The following COLEC12 variants were observed in gnomAD, a reference collection of about 807,000 sequenced individuals.
The protein encoded by COLEC12 is collectin-12.
A neutral mutation model predicts 71.1 loss-of-function variants in COLEC12; 33 were observed. That is an observed-to-expected ratio of 0.46 (90% CI 0.35 to 0.62). The LOEUF is 0.62. Among genes scored for constraint, COLEC12 ranks in the 20% least tolerant of loss-of-function variants. The probability of loss-of-function intolerance (pLI) is 0.00; values close to 1 mark genes in which losing one functional copy is unlikely to be tolerated. For missense variants in COLEC12, 765 were observed against 916.1 expected, an observed-to-expected ratio of 0.84 and a Z score of 2.13; for synonymous variants, 350 against 353.0, an observed-to-expected ratio of 0.99 and a Z score of 0.10.
chr18:442,002 T>TACACACACAGACACAC (rs1555620304), intron 2 of COLEC12, among the ~76,000 whole-genome samples: 37 of 120,808 alleles, frequency 3.1e-4, no homozygotes, highest in African/African-American at 1.4e-3. Flanking sequence ...TCTCTCTCTC[T>TACACACACAGACACAC]ACACACACAC....
intron 8 of COLEC12, among the ~76,000 whole-genome samples, chr18:330,286 G>A (rs897524127): frequency 1.3e-5 from 2 of 152,086 alleles, no homozygotes; most frequent in Admixed American, 6.5e-5. Context: ...GCTGATACAG[G>A]GCTAGGCCTC....
chr18:433,785 G>A (rs995785753), intron 2 of COLEC12, among the ~76,000 whole-genome samples: 3 of 151,986 alleles, frequency 2.0e-5, no homozygotes, highest in Admixed American at 1.3e-4. Context: ...GGAACATGGC[G>A]AAACCCTGTC....
intron 2 of COLEC12, among the ~76,000 whole-genome samples, chr18:434,925 G>A (rs4798197): frequency 0.87 from 132,230 of 152,098 alleles, 58,279 homozygotes; most frequent in East Asian, 1. Flanking sequence ...GCCATTCCCA[G>A]AAGTGCCCCA....
At chr18:354,682 G>A (rs1175042387) in intron 3 of COLEC12, among the ~76,000 whole-genome samples, 2 of 152,192 alleles carry the variant, frequency 1.3e-5, no homozygotes, top group African/African-American at 4.8e-5. Flanking sequence ...TAAAGAGAAA[G>A]CACATCTGGA....
chr18:420,061 C>T (rs1916066522), intron 2 of COLEC12, among the ~76,000 whole-genome samples: 2 of 152,176 alleles, frequency 1.3e-5, no homozygotes, highest in Non-Finnish European at 2.9e-5. Flanking sequence ...GCAATTCCAA[C>T]TCTCATCCCT....
intron 1 of COLEC12, among the ~76,000 whole-genome samples, chr18:488,294 C>T (rs941445492): frequency 6.6e-6 from 1 of 151,702 alleles, no homozygotes; most frequent in African/African-American, 2.4e-5. Flanking sequence ...ACCTGTAATC[C>T]CAATTACTAG....
chr18:429,387 T>C (rs1381661119), intron 2 of COLEC12, among the ~76,000 whole-genome samples: 1 of 144,710 alleles, frequency 6.9e-6, no homozygotes, highest in Non-Finnish European at 1.6e-5. Context: ...TTTTTTTCTT[T>C]CTTTTTTTTT....
chr18:389,592 T>C (rs1915419889), intron 2 of COLEC12, among the ~76,000 whole-genome samples: 1 of 151,662 alleles, frequency 6.6e-6, no homozygotes, highest in Non-Finnish European at 1.5e-5. Context: ...TGTGCAGCAA[T>C]TTTTTTAAAA....
At chr18:330,006 G>C (rs1446759742) in intron 8 of COLEC12, among the ~76,000 whole-genome samples, 1 of 152,150 alleles carries the variant, frequency 6.6e-6, no homozygotes, top group Non-Finnish European at 1.5e-5. Context: ...GAGCTGGGGA[G>C]ATAAGAGGCT....
chr18:461,817 C>T (rs1437706624), intron 2 of COLEC12, among the ~76,000 whole-genome samples: 1 of 152,150 alleles, frequency 6.6e-6, no homozygotes, highest in African/African-American at 2.4e-5. Flanking sequence ...GACTACCATA[C>T]TAGCAAGCTC....
In COLEC12 at chr18:346,495, G is replaced by A; in HGVS notation, c.1127C>T (p.Thr376Ile). Residue 376 changes from threonine to isoleucine, a missense_variant, in exon 5 of 10, where the codon ACC becomes ATC. By Grantham distance (89) the Thr-to-Ile change is moderately conservative. Transcript: ENST00000400256. This position sits in a 1 kb window ranked among gnomAD's most constrained non-coding sequence, Gnocchi z 4.0. Reference protein sequence around the residue: ...EVRTTCTDTLTKHTDDLTSLN... With the variant: ...EVRTTCTDTLIKHTDDLTSLN... ...GGAGGTCAGATCATCTGTGTGTTTGGTAAGGGTATCTGTGCAAGTGGTCCT... is the reference window on the plus strand; with the variant it reads ...GGAGGTCAGATCATCTGTGTGTTTGATAAGGGTATCTGTGCAAGTGGTCCT... 1 of 1,614,188 alleles carries A rather than the reference G, an allele frequency of 6.2e-7. No individual in the cohort carries two copies.
intron 2 of COLEC12, among the ~76,000 whole-genome samples, chr18:469,986 A>G (rs1917161561): frequency 6.6e-6 from 1 of 152,176 alleles, no homozygotes; most frequent in African/African-American, 2.4e-5. Context: ...CCATCTTTGT[A>G]CCACAGTTCA....
In COLEC12 at chr18:346,680, C is replaced by T. The variant is rs990420729; in HGVS notation, c.942G>A (p.Leu314=). ...SQANEQNLKD[L]QDLHKDAENR... is the part of the protein sequence containing the mutation. Reference sequence around the variant, plus strand: ...TCTCTGCATCTTTGTGTAAGTCCTGCAGGTCTTTCAGGTTCTGCTCGTTGG... The same window carrying T: ...TCTCTGCATCTTTGTGTAAGTCCTGTAGGTCTTTCAGGTTCTGCTCGTTGG... Residue 314 remains leucine, a synonymous_variant, in exon 5 of 10, where the codon CTG becomes CTA. Transcript: ENST00000400256. This position sits in a 1 kb window ranked among gnomAD's most constrained non-coding sequence, Gnocchi z 4.0. The T allele has an allele frequency of 1.9e-6, 3 of 1,614,090 alleles. No homozygotes were observed. In the African/African-American group the frequency reaches 4.0e-5, roughly 22 times the overall value.
At chr18:418,290 T>C (rs908175452) in intron 2 of COLEC12, among the ~76,000 whole-genome samples, 1 of 152,242 alleles carries the variant, frequency 6.6e-6, no homozygotes, top group South Asian at 2.1e-4. Flanking sequence ...AAGGATCTTT[T>C]CTTCATTCTA....
intron 1 of COLEC12, among the ~76,000 whole-genome samples, chr18:490,396 TGAAA>T (rs1351965842): frequency 6.6e-6 from 1 of 152,130 alleles, no homozygotes; most frequent in East Asian, 1.9e-4. Flanking sequence ...AGCAGGTAAC[TGAAA>T]GAGGTGTAAA....
intron 2 of COLEC12, among the ~76,000 whole-genome samples, chr18:454,190 G>T (rs982566542): frequency 6.6e-6 from 1 of 152,044 alleles, no homozygotes; most frequent in Non-Finnish European, 1.5e-5. Flanking sequence ...CCATCTCCCC[G>T]CCACTCTATT....
chr18:428,259 G>A (rs541455157), intron 2 of COLEC12, among the ~76,000 whole-genome samples: 33 of 141,840 alleles, frequency 2.3e-4, no homozygotes, highest in South Asian at 8.6e-4. Context: ...GTGAAACTCC[G>A]TCTCAAAAAA....
At chr18:469,784 A>T (rs1203965966) in intron 2 of COLEC12, among the ~76,000 whole-genome samples, 1 of 152,112 alleles carries the variant, frequency 6.6e-6, no homozygotes, top group Non-Finnish European at 1.5e-5. Flanking sequence ...CTGATTCTAC[A>T]TATACTCTAT....
intron 1 of COLEC12, among the ~76,000 whole-genome samples, chr18:484,431 A>G (rs1191851485): frequency 6.6e-6 from 1 of 152,232 alleles, no homozygotes; most frequent in East Asian, 1.9e-4. Context: ...TGTAACAGCC[A>G]CTAAAAGAAT....
Sources: allele counts gnomAD v4.1 joint callset (sites outside exome capture counted in the v4.1 genomes callset), GRCh38; gene constraint gnomAD v4.1.1; non-coding constraint Gnocchi (gnomAD v3.1); transcripts MANE v1.5; gene names NCBI Gene and HGNC (gene_info 2026-07-23, HGNC 2026-07-21).